Variants in VANGL2 observed in about 807,000 individuals in gnomAD.
VANGL2 encodes VANGL planar cell polarity protein 2.
Under a neutral mutation model 50.2 loss-of-function variants are expected in VANGL2, and 14 were observed. The observed-to-expected ratio is 0.28, with a 90% confidence interval of 0.18 to 0.44. VANGL2 has a LOEUF of 0.44. Among genes scored for constraint, VANGL2 ranks in the 20% least tolerant of loss-of-function variants. VANGL2 has a pLI of 1.00. For synonymous variants in VANGL2, 295 were observed against 297.2 expected (o/e 0.99, Z 0.08); for missense variants, 533 against 701.5 (o/e 0.76, Z 2.71).
chr1:160,406,839 C>G (rs981084004), intron 1 of VANGL2, among the ~76,000 whole-genome samples: 5 of 152,078 alleles, frequency 3.3e-5, no homozygotes, highest in African/African-American at 1.2e-4. Flanking sequence ...AGTGATTCTC[C>G]TGCCTCAGCC....
At chr1:160,421,657 C>T (rs1651280718) in intron 6 of VANGL2, among the ~76,000 whole-genome samples, 1 of 152,184 alleles carries the variant, frequency 6.6e-6, no homozygotes, top group Non-Finnish European at 1.5e-5. Flanking sequence ...AAAGGACAGT[C>T]TTCTTTTAAG....
chr1:160,420,962 A>T, intron 5 of VANGL2, 90 bp from the exon 6 acceptor site: 1 of 1,573,998 alleles, frequency 6.4e-7, no homozygotes, highest in Non-Finnish European at 8.7e-7. Context: ...CTTCTTCTGG[A>T]CATGTCAGGC....
chr1:160,424,000 G>T, intron 6 of VANGL2, 52 bp from the exon 7 acceptor site: 1 of 1,597,692 alleles, frequency 6.3e-7, no homozygotes, highest in Non-Finnish European at 8.6e-7. Context: ...GAGAGGGGTG[G>T]GGTGGGGGAA....
chr1:160,422,884 T>G (rs1651318371), intron 6 of VANGL2, among the ~76,000 whole-genome samples: 1 of 150,218 alleles, frequency 6.7e-6, no homozygotes, highest in African/African-American at 2.5e-5. Flanking sequence ...TTGGTGTTGG[T>G]GTGTGTGTCT....
intron 3 of VANGL2, among the ~76,000 whole-genome samples, chr1:160,418,670 A>C (rs1317871285): frequency 6.6e-6 from 1 of 152,022 alleles, no homozygotes; most frequent in Non-Finnish European, 1.5e-5. Context: ...TCACTGCCTG[A>C]GCAGCATCTT....
rs267607167 is a variant in VANGL2 at position 160,421,171 on chromosome 1, C to T, written c.1057C>T (p.Arg353Cys). Residue 353 changes from arginine to cysteine, a missense_variant, in exon 6 of 8, where the codon CGC becomes TGC. Arg to Cys is a radical substitution (Grantham distance 180). Coordinates refer to ENST00000368061, the MANE Select transcript of VANGL2 (RefSeq NM_020335.3). ...YEEAEHERRVRKRRARLVVAV... is the reference protein window; with the variant it reads ...YEEAEHERRVCKRRARLVVAV... Reference sequence around the variant, plus strand: ...GGAGGCTGAGCATGAGCGAAGGGTGCGCAAGAGGAGGGCCAGGTGGGTCCC... The same window carrying T: ...GGAGGCTGAGCATGAGCGAAGGGTGTGCAAGAGGAGGGCCAGGTGGGTCCC... The T allele has an allele frequency of 6.2e-6, 10 of 1,613,466 alleles. No homozygotes were observed. The highest frequency in any genetic ancestry group is 1.7e-4 in the Middle Eastern group (1 of 5,788).
At chr1:160,401,209 G>C (rs943939662) in intron 1 of VANGL2, among the ~76,000 whole-genome samples, 2 of 152,182 alleles carry the variant, frequency 1.3e-5, no homozygotes, top group African/African-American at 2.4e-5. Context: ...AGCCGGAGAC[G>C]GGGAGCTTGT....
intron 6 of VANGL2, among the ~76,000 whole-genome samples, chr1:160,422,454 G>T (rs909823518): frequency 6.6e-6 from 1 of 152,092 alleles, no homozygotes; most frequent in Non-Finnish European, 1.5e-5. Flanking sequence ...CTTTTCAAAG[G>T]GAATTTACTG....
chr1:160,404,582 C>G (rs1650589141), intron 1 of VANGL2, among the ~76,000 whole-genome samples: 1 of 152,152 alleles, frequency 6.6e-6, no homozygotes, highest in Non-Finnish European at 1.5e-5. Flanking sequence ...TTACCCCAGC[C>G]CCTGGCAACC....
intron 1 of VANGL2, among the ~76,000 whole-genome samples, chr1:160,403,920 C>T (rs1232801093): frequency 6.6e-6 from 1 of 152,208 alleles, no homozygotes; most frequent in Non-Finnish European, 1.5e-5. Flanking sequence ...CTGTCTAATT[C>T]CGTGACATCA....
Position 160,415,722 on chromosome 1 carries a change from T to C in VANGL2, c.-116T>C. On this transcript the variant is annotated 5_prime_UTR_variant, in exon 2 of 8. Coordinates refer to ENST00000368061, the MANE Select transcript of VANGL2 (RefSeq NM_020335.3). ...GAGTCCCTCAGGGTGACAGTTGACT[T>C]CCTGAAGGTGCCTCTTGGCCTAAAG... 8.2e-7 allele frequency: 1 copy of C among 1,223,746 alleles called. No homozygotes were observed. Among genetic ancestry groups the C allele is most frequent in the Non-Finnish European group, 1.2e-6 (1 of 853,220 alleles). The allele number at this position is 1,223,746 out of a possible 1,614,324, so 75.8% of individuals were successfully genotyped here. A position where few individuals can be genotyped will look rare whatever the true frequency, so the allele number is the denominator to read the frequency against.
At chr1:160,409,118 C>T (rs1219731995) in intron 1 of VANGL2, among the ~76,000 whole-genome samples, 6 of 152,188 alleles carry the variant, frequency 3.9e-5, no homozygotes, top group Non-Finnish European at 8.8e-5. Context: ...GGGGGCAGGA[C>T]GGAGTCAGCA....
At chr1:160,408,995 G>T (rs1167624699) in intron 1 of VANGL2, among the ~76,000 whole-genome samples, 1 of 152,258 alleles carries the variant, frequency 6.6e-6, no homozygotes, top group Non-Finnish European at 1.5e-5. Flanking sequence ...GTTCTTAGTT[G>T]TGGTAGATGG....
chr1:160,404,045 C>G (rs1317314606), intron 1 of VANGL2, among the ~76,000 whole-genome samples: 1 of 152,204 alleles, frequency 6.6e-6, no homozygotes, highest in African/African-American at 2.4e-5. Context: ...TTGCACAGTT[C>G]CTGGCACATA....
At chr1:160,417,893 G>T (rs1651115463) in intron 3 of VANGL2, among the ~76,000 whole-genome samples, 1 of 149,494 alleles carries the variant, frequency 6.7e-6, no homozygotes, top group Non-Finnish European at 1.5e-5. Flanking sequence ...AAGGAACTTA[G>T]ATAGGACTTC....
At position 160,427,028 on chromosome 1, in the gene VANGL2, A is replaced by G. The variant is rs559409922; in HGVS notation, c.*1650A>G. 22 of 152,774 alleles carry G rather than the reference A, an allele frequency of 1.4e-4. No individual in the cohort carries two copies. Among genetic ancestry groups the G allele is most frequent in the African/African-American group, 5.3e-4 (22 of 41,556 alleles). 9.5% of individuals were successfully genotyped at this position (152,774 alleles called of 1,614,324 possible). A position where few individuals can be genotyped will look rare whatever the true frequency, so the allele number is the denominator to read the frequency against. Reference sequence around the variant, plus strand: ...TCTGCAAAAGTTCACTTGTTTACCCACCGCATGCTAGAGAGGAGCTCATTG... The same window carrying G: ...TCTGCAAAAGTTCACTTGTTTACCCGCCGCATGCTAGAGAGGAGCTCATTG... On this transcript the variant is annotated 3_prime_UTR_variant, in exon 8 of 8. Coordinates refer to ENST00000368061, the MANE Select transcript of VANGL2 (RefSeq NM_020335.3).
At chr1:160,406,649 C>T (rs1248274084) in intron 1 of VANGL2, among the ~76,000 whole-genome samples, 1 of 152,002 alleles carries the variant, frequency 6.6e-6, no homozygotes, top group East Asian at 1.9e-4. Context: ...CCTTCAGACT[C>T]CTGTTTTCAC....
chr1:160,419,374 GT>G lies in VANGL2; in HGVS notation c.569del (p.Phe190SerfsTer137). On this transcript the variant is annotated frameshift_variant, in exon 4 of 8. Coordinates refer to ENST00000368061, the MANE Select transcript of VANGL2 (RefSeq NM_020335.3). LOFTEE classifies it high-confidence loss of function. The surrounding 1 kb of genome is among the most constrained non-coding windows in gnomAD (Gnocchi z 5.8). ...GCTGCGTGCCCTGCTTATGGTGCTGGTTTTCCTGCTCGTGGTCTCCTACTGG... is the reference window on the plus strand; with the variant it reads ...GCTGCGTGCCCTGCTTATGGTGCTGGTTTCCTGCTCGTGGTCTCCTACTGG... The part of the protein sequence containing the change: ...FVLRALLMVL[V>X]FLLVVSYWLF... The G allele has an allele frequency of 6.2e-7, 1 of 1,612,360 alleles. No homozygotes were observed.
chr1:160,416,290 C>A, intron 3 of VANGL2, 108 bp downstream of exon 3: 2 of 1,577,816 alleles, frequency 1.3e-6, no homozygotes, highest in Non-Finnish European at 1.7e-6. Context: ...TCTCAGACAG[C>A]CATCAGATCG....
Sources: gnomAD v4.1 joint callset for allele counts (sites outside exome capture counted in the v4.1 genomes callset) on GRCh38, gnomAD v4.1.1 for gene constraint, Gnocchi (gnomAD v3.1) non-coding constraint, MANE v1.5 for transcripts, NCBI Gene and HGNC (gene_info 2026-07-23, HGNC 2026-07-21) for gene names.